MRPL27: variants seen among roughly 807,000 people sequenced by gnomAD.
MRPL27 encodes the protein large ribosomal subunit protein bL27m.
A neutral mutation model predicts 14.6 loss-of-function variants in MRPL27; 4 were observed. The observed-to-expected ratio is 0.27, with a 90% CI of 0.14 to 0.63. MRPL27 has a LOEUF of 0.63. Ranked by LOEUF, MRPL27 falls within the 20% of genes least tolerant of loss-of-function variation. The pLI is 0.85. For missense variants in MRPL27, 196 were observed against 192.8 expected, an observed-to-expected ratio of 1.02 and a Z score of -0.10; for synonymous variants, 82 against 75.5, an observed-to-expected ratio of 1.09 and a Z score of -0.45.
chr17:50,373,152 C>G lies in MRPL27; in HGVS notation c.19G>C (p.Ala7Pro), dbSNP rs374090666. The change falls in exon 1 of 4, where the codon GCG becomes CCG. Residue 7 changes from alanine (A) to proline (P), a missense_variant. Ala to Pro is a conservative substitution (Grantham distance 27). Coordinates refer to ENST00000225969, the MANE Select transcript of MRPL27 (RefSeq NM_016504.3). Reference protein sequence around the residue: MASVVLALRTRTAVTSL... With the variant: MASVVLPLRTRTAVTSL... ...TTACCGGCTGTCCGGGTCCTCAGCG[C>G]CAACACCACCGACGCCATGCTTTCG... The G allele has an allele frequency of 6.2e-7, 1 of 1,613,602 alleles. No individual in the cohort carries two copies. Among genetic ancestry groups the G allele is most frequent in the Non-Finnish European group, 8.5e-7 (1 of 1,179,676 alleles).
At chr17:50,368,726 A>T in intron 3 of MRPL27, 1 of 625,420 alleles carries the variant, frequency 1.6e-6, no homozygotes, top group Non-Finnish European at 2.8e-6. Context: ...TCTATGGAAA[A>T]TATAAACCAA....
At chr17:50,371,982 T>C (rs572142326) in intron 1 of MRPL27, among the ~76,000 whole-genome samples, 3 of 152,286 alleles carry the variant, frequency 2.0e-5, no homozygotes, top group East Asian at 3.9e-4. Context: ...TCCTCACATA[T>C]TGTTCACCAG....
At position 50,370,332 on chromosome 17, in the gene MRPL27, A is replaced by G; in HGVS notation, c.172+123T>C. ...TTCCTCAGGTCTTATCCGTTCCTTT[A>G]AACTGGAGCCAATTATGATGGTAAG... On this transcript the variant is annotated intron_variant, in intron 2 of 3. Coordinates refer to ENST00000225969, the MANE Select transcript of MRPL27 (RefSeq NM_016504.3). 2.7e-6 allele frequency: 4 copies of G among 1,502,778 alleles called. No individual in the cohort carries two copies. The East Asian group carries it at 9.1e-5, about 34-fold the overall frequency. The allele number at this position is 1,502,778 out of a possible 1,614,324, so 93.1% of individuals were successfully genotyped here. A position where few individuals can be genotyped will look rare whatever the true frequency, so the allele number is the denominator to read the frequency against.
chr17:50,369,854 T>A (rs1913074225), intron 3 of MRPL27, 178 bp downstream of exon 3: 1 of 766,510 alleles, frequency 1.3e-6, no homozygotes, highest in Non-Finnish European at 2.2e-6. Flanking sequence ...GTCTCTGGCA[T>A]TTCACCTTAC....
chr17:50,373,151 G>C lies in MRPL27; in HGVS notation c.20C>G (p.Ala7Gly). Reference sequence around the variant, plus strand: ...ATTACCGGCTGTCCGGGTCCTCAGCGCCAACACCACCGACGCCATGCTTTC... The same window carrying C: ...ATTACCGGCTGTCCGGGTCCTCAGCCCCAACACCACCGACGCCATGCTTTC... Reference protein sequence around the residue: MASVVLALRTRTAVTSL... With the variant: MASVVLGLRTRTAVTSL... Residue 7 changes from alanine to glycine, a missense_variant, in exon 1 of 4, where the codon GCG becomes GGG. By Grantham distance (60) the Ala-to-Gly change is moderately conservative. Coordinates refer to ENST00000225969, the MANE Select transcript of MRPL27 (RefSeq NM_016504.3). The C allele has an allele frequency of 6.8e-6, 11 of 1,613,528 alleles. No homozygotes were observed. The highest frequency in any genetic ancestry group is 1.3e-5 in the African/African-American group (1 of 75,014).
At chr17:50,370,656 CTGATACG>C (rs1353810433) in intron 1 of MRPL27, 70 bp from the exon 2 acceptor site, 4 of 1,599,774 alleles carry the variant, frequency 2.5e-6, no homozygotes, top group Middle Eastern at 3.3e-4. Flanking sequence ...GGGCCACATG[CTGATACG>C]TGAGAGGCGG....
intron 1 of MRPL27, 37 bp downstream of exon 1, chr17:50,373,094 C>A: frequency 6.2e-7 from 1 of 1,613,578 alleles, no homozygotes; most frequent in South Asian, 1.1e-5. Context: ...ACTCTGCCTC[C>A]CCGCCTCACC....
intron 3 of MRPL27, chr17:50,369,253 A>T (rs1419156702): frequency 5.1e-6 from 1 of 196,808 alleles, no homozygotes; most frequent in Non-Finnish European, 1.0e-5. Flanking sequence ...TTGTTGACAT[A>T]GCCACACATC....
chr17:50,372,418 GTAT>G (rs1913195943), intron 1 of MRPL27, among the ~76,000 whole-genome samples: 1 of 152,114 alleles, frequency 6.6e-6, no homozygotes, highest in South Asian at 2.1e-4. Context: ...GCTAATTTTT[GTAT>G]TTTTTGTAGA....
At chr17:50,372,753 C>T (rs536905207) in intron 1 of MRPL27, 2 of 263,002 alleles carry the variant, frequency 7.6e-6, no homozygotes, top group East Asian at 8.9e-5. Flanking sequence ...GCTGATTTTC[C>T]GAACACCTAC....
intron 2 of MRPL27, 72 bp from the exon 3 acceptor site, chr17:50,370,171 C>G (rs1913088275): frequency 6.8e-7 from 1 of 1,462,166 alleles, no homozygotes; most frequent in African/African-American, 1.4e-5. Flanking sequence ...CCAAATGCTG[C>G]ACACCAACCT....
At chr17:50,372,104 G>A (rs1297384867) in intron 1 of MRPL27, among the ~76,000 whole-genome samples, 5 of 152,090 alleles carry the variant, frequency 3.3e-5, no homozygotes, top group Non-Finnish European at 5.9e-5. Context: ...GGGCTATTAC[G>A]ACTTTCCATT....
chr17:50,370,760 C>T (rs1913108478), intron 1 of MRPL27, 174 bp from the exon 2 acceptor site: 35 of 726,006 alleles, frequency 4.8e-5, no homozygotes, highest in South Asian at 2.3e-4. Flanking sequence ...CCTTGGCTTT[C>T]TCCTTTTGGG....
At position 50,368,043 on chromosome 17, in the gene MRPL27, TC is replaced by T. The variant is rs750501053; in HGVS notation, c.*48del. 6.2e-7 allele frequency: 1 copy of T among 1,603,602 alleles called. No individual in the cohort carries two copies. Among genetic ancestry groups the T allele is most frequent in the Non-Finnish European group, 8.5e-7 (1 of 1,171,990 alleles). On this transcript the variant is annotated 3_prime_UTR_variant, in exon 4 of 4. Transcript: ENST00000225969. ...CAACCCTTGACTTCTGGTATCACCA[TC>T]TCCTGTCACCTGGGCTCCAGTCTCT...
At chr17:50,372,916 G>A in intron 1 of MRPL27, 2 of 628,120 alleles carry the variant, frequency 3.2e-6, no homozygotes, top group South Asian at 4.0e-5. Context: ...GCTGAGGCAG[G>A]AGAAAGACAA....
chr17:50,370,227 A>C (rs989828558), intron 2 of MRPL27, 128 bp from the exon 3 acceptor site: 2 of 1,169,078 alleles, frequency 1.7e-6, no homozygotes, highest in African/African-American at 3.1e-5. Context: ...AGTCCAACAC[A>C]AGCAGCGCAG....
chr17:50,370,608 T>C (rs1913103033), intron 1 of MRPL27, 22 bp from the exon 2 acceptor site: 1 of 1,613,534 alleles, frequency 6.2e-7, no homozygotes, highest in African/African-American at 1.3e-5. Flanking sequence ...ACAGAAACAT[T>C]GTTCAGACAG....
At chr17:50,372,518 T>G (rs1018556245) in intron 1 of MRPL27, among the ~76,000 whole-genome samples, 3 of 152,248 alleles carry the variant, frequency 2.0e-5, no homozygotes, top group Non-Finnish European at 4.4e-5. Context: ...GTGTTGGGAC[T>G]ACAGGCGTGA....
At chr17:50,371,874 C>T (rs1286212516) in intron 1 of MRPL27, among the ~76,000 whole-genome samples, 2 of 152,200 alleles carry the variant, frequency 1.3e-5, no homozygotes, top group East Asian at 3.8e-4. Flanking sequence ...TTGCTCTTCA[C>T]CCTACTCCCC....
Sources: gnomAD v4.1 joint callset for allele counts (sites outside exome capture counted in the v4.1 genomes callset) on GRCh38, gnomAD v4.1.1 for gene constraint, MANE v1.5 for transcripts, NCBI Gene and HGNC (gene_info 2026-07-23, HGNC 2026-07-21) for gene names.